Variants in FAM210B observed in about 807,000 individuals in gnomAD.
FAM210B encodes family with sequence similarity 210 member B.
Under a neutral mutation model 14.9 loss-of-function variants are expected in FAM210B, and 11 were observed. The ratio of observed to expected loss-of-function variants is 0.74; its 90% CI spans 0.46 to 1.22. The LOEUF is 1.22. Among genes scored for constraint, FAM210B ranks in the 50% most tolerant of loss-of-function variants. FAM210B has a pLI of 0.00. For missense variants in FAM210B, 229 were observed against 250.1 expected (o/e 0.92, Z 0.57); for synonymous variants, 113 against 110.2 (o/e 1.03, Z -0.16).
chr20:56,366,051 C>A lies in FAM210B; in HGVS notation c.363-20C>A, dbSNP rs561317192. The A allele has an allele frequency of 1.0e-5, 16 of 1,589,480 alleles. No individual in the cohort carries two copies. In the South Asian group the frequency reaches 1.8e-4, roughly 18 times the overall value. On this transcript the variant is annotated intron_variant, in intron 2 of 2. Coordinates refer to ENST00000371384, the MANE Select transcript of FAM210B (RefSeq NM_080821.3). ...AATCCCTTGCTGTAATAATTGTTTT[C>A]TTTGCTTCTTCCCCCCTAGTGGTGT...
Position 56,366,391 on chromosome 20 carries a change from G to A in FAM210B, c.*104G>A, listed in dbSNP as rs149360512. On this transcript the variant is annotated 3_prime_UTR_variant, in exon 3 of 3. Coordinates refer to ENST00000371384, the MANE Select transcript of FAM210B (RefSeq NM_080821.3). ...TGTAGGGTTTCTTTTGGAGAGGTAGGGGGCTAATTGCTATGTTCTCATGGA... is the reference window on the plus strand; with the variant it reads ...TGTAGGGTTTCTTTTGGAGAGGTAGAGGGCTAATTGCTATGTTCTCATGGA... 2.6e-4 allele frequency: 274 copies of A among 1,037,912 alleles called. 3 individuals carry two copies. In the African/African-American group the frequency reaches 4.1e-3, roughly 16 times the overall value. 64.3% of individuals were successfully genotyped at this position (1,037,912 alleles called of 1,614,324 possible). A position where few individuals can be genotyped will look rare whatever the true frequency, so the allele number is the denominator to read the frequency against.
At position 56,362,120 on chromosome 20, in the gene FAM210B, T is replaced by C. The variant is rs146528457; in HGVS notation, c.186+2929T>C. On this transcript the variant is annotated intron_variant, in intron 1 of 2. Transcript: ENST00000371384. The surrounding 1 kb of genome is among the most constrained non-coding windows in gnomAD (Gnocchi z 4.8). ...CCGTGCCCAGCCAATATTTTCAAAG[T>C]ACTCAGAACAGTGCCTAGTACAGAA... Among the ~76,000 whole-genome samples, 530 of 152,288 alleles carry C rather than the reference T, an allele frequency of 3.5e-3. 2 individuals carry two copies. The highest frequency in any genetic ancestry group is 0.012 in the African/African-American group (500 of 41,566).
rs1269657636 is a variant in FAM210B at position 56,359,539 on chromosome 20, T to C, written c.186+348T>C. Among the ~76,000 whole-genome samples, 1 of 152,214 alleles carries C rather than the reference T, an allele frequency of 6.6e-6. No individual in the cohort carries two copies. Among genetic ancestry groups the C allele is most frequent in the Non-Finnish European group, 1.5e-5 (1 of 68,036 alleles). Reference sequence around the variant, plus strand: ...TGCCTGCGGAGTTGTTGTCCAGGCCTTCTGGCTGGGTCTCGCTGTGTTTTG... The same window carrying C: ...TGCCTGCGGAGTTGTTGTCCAGGCCCTCTGGCTGGGTCTCGCTGTGTTTTG... On this transcript the variant is annotated intron_variant, in intron 1 of 2. Transcript: ENST00000371384. The surrounding 1 kb of genome is among the most constrained non-coding windows in gnomAD (Gnocchi z 4.3).
At position 56,367,523 on chromosome 20, in the gene FAM210B, C is replaced by A. The variant is rs1983661496; in HGVS notation, c.*1236C>A. On this transcript the variant is annotated 3_prime_UTR_variant, in exon 3 of 3. Transcript: ENST00000371384. ...GTGTGGTGGCACACGCCTGTAGTCCCAGCTACTGGGGAGGCTGAGGCAGCA... is the reference window on the plus strand; with the variant it reads ...GTGTGGTGGCACACGCCTGTAGTCCAAGCTACTGGGGAGGCTGAGGCAGCA... 1 of 152,372 alleles carries A rather than the reference C, an allele frequency of 6.6e-6. No homozygotes were observed. Among genetic ancestry groups the A allele is most frequent in the Non-Finnish European group, 1.5e-5 (1 of 68,192 alleles). 9.4% of individuals were successfully genotyped at this position (152,372 alleles called of 1,614,324 possible).
chr20:56,359,779 T>G lies in FAM210B; in HGVS notation c.186+588T>G, dbSNP rs1038167320. Among the ~76,000 whole-genome samples, 3 of 152,216 alleles carry G rather than the reference T, an allele frequency of 2.0e-5. No individual in the cohort carries two copies. Among genetic ancestry groups the G allele is most frequent in the African/African-American group, 7.2e-5 (3 of 41,456 alleles). On this transcript the variant is annotated intron_variant, in intron 1 of 2. Transcript: ENST00000371384. The surrounding 1 kb of genome is among the most constrained non-coding windows in gnomAD (Gnocchi z 4.3). ...TCACTTTCTTCCAAGTGAGTCTTTT[T>G]AAATAAAAATAGTAGTAAATGAAGT...
rs1177261740 is a variant in FAM210B at position 56,359,884 on chromosome 20, C to T, written c.186+693C>T. Among the ~76,000 whole-genome samples, 1 of 152,214 alleles carries T rather than the reference C, an allele frequency of 6.6e-6. No individual in the cohort carries two copies. ...GCGCATCCGGCCTGGCAGTCTGGAG[C>T]CTCTTTGTTTGCCTGGGTGCAGACA... On this transcript the variant is annotated intron_variant, in intron 1 of 2. Transcript: ENST00000371384. The surrounding 1 kb of genome is among the most constrained non-coding windows in gnomAD (Gnocchi z 4.3).
chr20:56,366,188 T>G lies in FAM210B; in HGVS notation c.480T>G (p.Phe160Leu), dbSNP rs767761853. The stretch of plus-strand genomic sequence containing the variant: ...TGGCCTATGCAATCCACAAGCTGTT[T>G]GCGCCAGTGAGAATCAGCATTACGC... ...FVVAYAIHKL[F>L]APVRISITLV... Residue 160 changes from phenylalanine to leucine, a missense_variant, in exon 3 of 3, where the codon TTT becomes TTG. Transcript: ENST00000371384. The G allele has an allele frequency of 1.2e-6, 2 of 1,614,208 alleles. No homozygotes were observed. Among genetic ancestry groups the G allele is most frequent in the Admixed American group, 3.3e-5 (2 of 60,026 alleles).
chr20:56,363,107 G>T lies in FAM210B; in HGVS notation c.187-1980G>T, dbSNP rs905906114. 1.3e-5 allele frequency among the ~76,000 whole-genome samples: 2 copies of T among 152,210 alleles called. No individual in the cohort carries two copies. Among genetic ancestry groups the T allele is most frequent in the African/African-American group, 4.8e-5 (2 of 41,448 alleles). ...AGGTCACATGTGCTGGCCAAAGAAA[G>T]GGGGGCTGATGACATCTTCCCTCCT... On this transcript the variant is annotated intron_variant, in intron 1 of 2. Coordinates refer to ENST00000371384, the MANE Select transcript of FAM210B (RefSeq NM_080821.3). The surrounding 1 kb of genome is among the most constrained non-coding windows in gnomAD (Gnocchi z 4.1).
rs1015281702 is a variant in FAM210B at position 56,362,810 on chromosome 20, A to G, written c.187-2277A>G. On this transcript the variant is annotated intron_variant, in intron 1 of 2. Coordinates refer to ENST00000371384, the MANE Select transcript of FAM210B (RefSeq NM_080821.3). This position sits in a 1 kb window ranked among gnomAD's most constrained non-coding sequence, Gnocchi z 4.8. The stretch of plus-strand genomic sequence containing the variant: ...GCCAAAAGTCCTTTTGCCAAAATAA[A>G]GACTATAAAGAAGAGGGCCCTCGCA... 2.6e-5 allele frequency among the ~76,000 whole-genome samples: 4 copies of G among 152,326 alleles called. No homozygotes were observed. Among genetic ancestry groups the G allele is most frequent in the African/African-American group, 7.2e-5 (3 of 41,580 alleles).
At chr20:56,360,717 CGT>C (rs1271113822) in intron 1 of FAM210B, 1 of 157,028 alleles carries the variant, frequency 6.4e-6, no homozygotes, top group Non-Finnish European at 1.4e-5. Context: ...CCCAGGGCCC[CGT>C]GAGCTGTCCT....
intron 2 of FAM210B, 81 bp downstream of exon 2, chr20:56,365,343 CT>C (rs35912259): frequency 1.4e-3 from 1,989 of 1,420,838 alleles, no homozygotes; most frequent in Non-Finnish European, 1.5e-3. Context: ...TTTGCTAAGA[CT>C]TTTTTTTTAA....
chr20:56,364,551 G>A (rs1381764000), intron 1 of FAM210B, among the ~76,000 whole-genome samples: 2 of 152,182 alleles, frequency 1.3e-5, no homozygotes, highest in Admixed American at 1.3e-4. Flanking sequence ...CATGTAAGGT[G>A]ACATATTCAC....
At position 56,367,997 on chromosome 20, in the gene FAM210B, C is replaced by T. The variant is rs908764779; in HGVS notation, c.*1710C>T. The T allele has an allele frequency of 2.0e-5, 3 of 152,400 alleles. No individual in the cohort carries two copies. The highest frequency in any genetic ancestry group is 2.0e-4 in the Admixed American group (3 of 15,284). The allele number at this position is 152,400 out of a possible 1,614,324, so 9.4% of individuals were successfully genotyped here. A position where few individuals can be genotyped will look rare whatever the true frequency, so the allele number is the denominator to read the frequency against. Reference sequence around the variant, plus strand: ...TGCAGAGATCAGGTTGTTGACAGTTCCTGGTTGACCCACAGCTACCCATGT... The same window carrying T: ...TGCAGAGATCAGGTTGTTGACAGTTTCTGGTTGACCCACAGCTACCCATGT... On this transcript the variant is annotated 3_prime_UTR_variant, in exon 3 of 3. Transcript: ENST00000371384.
Position 56,363,727 on chromosome 20 carries a change from A to T in FAM210B, c.187-1360A>T, listed in dbSNP as rs565339012. On this transcript the variant is annotated intron_variant, in intron 1 of 2. Coordinates refer to ENST00000371384, the MANE Select transcript of FAM210B (RefSeq NM_080821.3). This position sits in a 1 kb window ranked among gnomAD's most constrained non-coding sequence, Gnocchi z 4.1. Reference sequence around the variant, plus strand: ...TAGCAGATGTCCCATGCAATCCATGATTTCTGTACAAGTCCTGGTAGGGCA... The same window carrying T: ...TAGCAGATGTCCCATGCAATCCATGTTTTCTGTACAAGTCCTGGTAGGGCA... Among the ~76,000 whole-genome samples the T allele has an allele frequency of 6.6e-6, 1 of 152,258 alleles. No individual in the cohort carries two copies. Among genetic ancestry groups the T allele is most frequent in the South Asian group, 2.1e-4 (1 of 4,826 alleles).
rs1983480427 is a variant in FAM210B at position 56,359,115 on chromosome 20, T to C, written c.110T>C (p.Leu37Pro). ...ACCGCCCCCTGCGCCCCGCCGCCCC[T>C]GGCCCTGGCCCTGCTCCCGCCCAGG... ...GATAPCAPPP[L>P]ALALLPPRLD... The change falls in exon 1 of 3, where the codon CTG becomes CCG. Residue 37 changes from leucine to proline, a missense_variant. This residue lies in a region of FAM210B where 144 missense variants were observed against 132.5 expected (regional missense o/e 1.09). Transcript: ENST00000371384. The surrounding 1 kb of genome is among the most constrained non-coding windows in gnomAD (Gnocchi z 4.3). 1 of 1,310,892 alleles carries C rather than the reference T, an allele frequency of 7.6e-7. No homozygotes were observed. Among genetic ancestry groups the C allele is most frequent in the Non-Finnish European group, 9.7e-7 (1 of 1,032,562 alleles). The allele number at this position is 1,310,892 out of a possible 1,614,324, so 81.2% of individuals were successfully genotyped here. A position where few individuals can be genotyped will look rare whatever the true frequency, so the allele number is the denominator to read the frequency against.
Position 56,366,279 on chromosome 20 carries a change from A to G in FAM210B, c.571A>G (p.Lys191Glu). Residue 191 changes from lysine (K) to glutamate (E), a missense_variant, in exon 3 of 3, where the codon AAA (lysine) becomes GAA (glutamate). This residue lies in a region of FAM210B where 53 missense variants were observed against 55.4 expected (regional missense o/e 0.96). Coordinates refer to ENST00000371384, the MANE Select transcript of FAM210B (RefSeq NM_080821.3). ...KVGFFKPPAA[K>E]P is the part of the protein sequence containing the mutation. ...GGGATTTTTTAAACCTCCAGCTGCA[A>G]AACCTTAATGAACTCTTCAGTCGTA... 1 of 1,613,984 alleles carries G rather than the reference A, an allele frequency of 6.2e-7. No individual in the cohort carries two copies. The highest frequency in any genetic ancestry group is 8.5e-7 in the Non-Finnish European group (1 of 1,179,882).
Position 56,359,086 on chromosome 20 carries a change from C to T in FAM210B, c.81C>T (p.Gly27=), listed in dbSNP as rs1983479301. Residue 27 remains glycine, a synonymous_variant, in exon 1 of 3, where the codon GGC becomes GGT. Coordinates refer to ENST00000371384, the MANE Select transcript of FAM210B (RefSeq NM_080821.3). This position sits in a 1 kb window ranked among gnomAD's most constrained non-coding sequence, Gnocchi z 4.3. ...RVRPRATWLL[G]ATAPCAPPPL... is the part of the protein sequence containing the mutation. ...GGCCTCGCGCCACCTGGCTCCTGGG[C>T]GCCACCGCCCCCTGCGCCCCGCCGC... is the stretch of plus-strand genomic sequence containing the variant. 7.4e-7 allele frequency: 1 copy of T among 1,343,228 alleles called. No individual in the cohort carries two copies. Among genetic ancestry groups the T allele is most frequent in the Non-Finnish European group, 9.6e-7 (1 of 1,044,802 alleles). 83.2% of individuals were successfully genotyped at this position (1,343,228 alleles called of 1,614,324 possible).
In FAM210B at chr20:56,366,636, C is replaced by T. The variant is rs1473166224; in HGVS notation, c.*349C>T. Reference sequence around the variant, plus strand: ...AAAAGCACCAGGGGGTTAATCTTGGCTCAGTTTCCTAAAAAGCATTGATTA... The same window carrying T: ...AAAAGCACCAGGGGGTTAATCTTGGTTCAGTTTCCTAAAAAGCATTGATTA... On this transcript the variant is annotated 3_prime_UTR_variant, in exon 3 of 3. Coordinates refer to ENST00000371384, the MANE Select transcript of FAM210B (RefSeq NM_080821.3). 9.8e-6 allele frequency: 2 copies of T among 204,988 alleles called. No homozygotes were observed. The highest frequency in any genetic ancestry group is 4.7e-5 in the African/African-American group (2 of 42,572). The allele number at this position is 204,988 out of a possible 1,614,324, so 12.7% of individuals were successfully genotyped here.
chr20:56,365,336 G>A, intron 2 of FAM210B, 74 bp downstream of exon 2: 1 of 1,517,972 alleles, frequency 6.6e-7, no homozygotes. Context: ...GAACGTGTTT[G>A]CTAAGACTTT....
Sources: gnomAD v4.1 joint callset for allele counts (sites outside exome capture counted in the v4.1 genomes callset) on GRCh38, gnomAD v4.1.1 for gene constraint, gnomAD v4.1.1 regional missense constraint, Gnocchi (gnomAD v3.1) non-coding constraint, MANE v1.5 for transcripts, NCBI Gene and HGNC (gene_info 2026-07-23, HGNC 2026-07-21) for gene names.